Variants in PPP1R12A observed in about 807,000 individuals in gnomAD.
PPP1R12A encodes the protein myosin binding subunit.
In PPP1R12A, 19 loss-of-function variants were observed where a neutral mutation model predicts 139.6. That is an observed-to-expected ratio of 0.14 (90% CI 0.09 to 0.20). The LOEUF is 0.20. Among genes scored for constraint, PPP1R12A ranks in the 10% least tolerant of loss-of-function variants. The pLI, the probability that PPP1R12A is intolerant of heterozygous loss-of-function variation, is 1.00. For synonymous variants in PPP1R12A, 427 were observed against 420.6 expected, an observed-to-expected ratio of 1.02 and a Z score of -0.19; for missense variants, 925 against 1,211.5, an observed-to-expected ratio of 0.76 and a Z score of 3.51.
At chr12:79,786,287 A>G (rs1871120017) in intron 22 of PPP1R12A, 87 bp downstream of exon 22, 1 of 737,062 alleles carries the variant, frequency 1.4e-6, no homozygotes, top group Non-Finnish European at 2.2e-6. Flanking sequence ...TTCTATTTAG[A>G]GTATTAGAAA....
chr12:79,818,851 A>T (rs1303591981), intron 8 of PPP1R12A: 1 of 152,238 alleles, frequency 6.6e-6, no homozygotes, highest in Non-Finnish European at 1.5e-5. Flanking sequence ...TAGTTTCCCA[A>T]GGAAATAACC....
At chr12:79,884,067 G>T (rs1437833975) in intron 1 of PPP1R12A, among the ~76,000 whole-genome samples, 2 of 152,130 alleles carry the variant, frequency 1.3e-5, no homozygotes, top group Non-Finnish European at 2.9e-5. Flanking sequence ...AACAGGTCTG[G>T]TATATAAAGA....
At chr12:79,842,477 T>C (rs920146328) in intron 3 of PPP1R12A, among the ~76,000 whole-genome samples, 5 of 152,134 alleles carry the variant, frequency 3.3e-5, no homozygotes, top group Non-Finnish European at 5.9e-5. Flanking sequence ...CAATATTTCA[T>C]ACCATTCCTC....
At chr12:79,823,135 G>C (rs910462652) in intron 5 of PPP1R12A, among the ~76,000 whole-genome samples, 2 of 152,106 alleles carry the variant, frequency 1.3e-5, no homozygotes, top group African/African-American at 4.8e-5. Flanking sequence ...AAATTTCAAA[G>C]AGCTGCTGAC....
At chr12:79,855,419 G>C (rs752470442) in intron 2 of PPP1R12A, among the ~76,000 whole-genome samples, 1 of 152,124 alleles carries the variant, frequency 6.6e-6, no homozygotes, top group Non-Finnish European at 1.5e-5. Context: ...TTGTTACTGT[G>C]AATAGTGCTG....
chr12:79,842,807 G>A lies in PPP1R12A; in HGVS notation c.487+2495C>T, dbSNP rs116703883. ...CAGCCTGGAACACACGAGCTAAAGC[G>A]ATCCTCCCCCCTTAGCTGGGATTAC... is the stretch of plus-strand genomic sequence containing the variant. On this transcript the variant is annotated intron_variant, in intron 3 of 24. Coordinates refer to ENST00000450142, the MANE Select transcript of PPP1R12A (RefSeq NM_002480.3). Among the ~76,000 whole-genome samples the A allele has an allele frequency of 5.2e-3, 788 of 152,016 alleles. 4 individuals carry two copies. The highest frequency in any genetic ancestry group is 0.018 in the African/African-American group (745 of 41,486).
At chr12:79,797,042 TATACTA>T in intron 16 of PPP1R12A, 92 bp from the exon 17 acceptor site, 1 of 1,416,916 alleles carries the variant, frequency 7.1e-7, no homozygotes. Flanking sequence ...GAAAAAGTAG[TATACTA>T]ATCACGCCAA....
At chr12:79,926,598 AGT>A (rs1887859050) in intron 1 of PPP1R12A, among the ~76,000 whole-genome samples, 1 of 152,240 alleles carries the variant, frequency 6.6e-6, no homozygotes, top group African/African-American at 2.4e-5. Context: ...AAAGTTTGTC[AGT>A]GTGTTACACT....
chr12:79,784,249 C>A (rs77074458), intron 22 of PPP1R12A, among the ~76,000 whole-genome samples: 178 of 152,224 alleles, frequency 1.2e-3, no homozygotes, highest in African/African-American at 4.2e-3. Flanking sequence ...TAATGCTTAT[C>A]AGTTTTACTT....
intron 1 of PPP1R12A, among the ~76,000 whole-genome samples, chr12:79,904,264 G>A (rs896763585): frequency 3.0e-4 from 46 of 151,204 alleles, no homozygotes; most frequent in African/African-American, 1.0e-3. Flanking sequence ...CTGCTTGACC[G>A]GAATAAAATG....
At chr12:79,781,962 G>A (rs1442518139) in intron 22 of PPP1R12A, 100 bp from the exon 23 acceptor site, 16 of 588,452 alleles carry the variant, frequency 2.7e-5, no homozygotes, top group Non-Finnish European at 4.4e-5. Context: ...CAATATTCAA[G>A]TGGAGTAAAA....
chr12:79,815,155 GAGAAAA>G (rs943202969), intron 9 of PPP1R12A, among the ~76,000 whole-genome samples: 12 of 152,202 alleles, frequency 7.9e-5, no homozygotes, highest in African/African-American at 2.2e-4. Context: ...GGCTATATGT[GAGAAAA>G]AGAAAAAGAA....
chr12:79,918,449 T>C (rs1202567979), intron 1 of PPP1R12A, among the ~76,000 whole-genome samples: 6 of 152,158 alleles, frequency 3.9e-5, no homozygotes, highest in African/African-American at 1.4e-4. Context: ...CATTCTGCAA[T>C]ATCAATACTC....
At chr12:79,887,820 TTGC>T (rs1884244114) in intron 1 of PPP1R12A, among the ~76,000 whole-genome samples, 1 of 152,142 alleles carries the variant, frequency 6.6e-6, no homozygotes, top group South Asian at 2.1e-4. Context: ...ATTCTTGCTG[TTGC>T]AATGTCTAAT....
At position 79,798,593 on chromosome 12, in the gene PPP1R12A, G is replaced by A. The variant is rs1872733887; in HGVS notation, c.2001-9C>T. ...CAGGAGTGAGGTATGATCTACAGTA[G>A]TAAATTGAAAAATCGTTAGTTGTAA... On this transcript the variant is annotated splice_polypyrimidine_tract_variant and intron_variant, in intron 14 of 24. Coordinates refer to ENST00000450142, the MANE Select transcript of PPP1R12A (RefSeq NM_002480.3). The A allele has an allele frequency of 4.0e-6, 6 of 1,498,196 alleles. No individual in the cohort carries two copies. Among genetic ancestry groups the A allele is most frequent in the African/African-American group, 1.4e-5 (1 of 72,184 alleles). 92.8% of individuals were successfully genotyped at this position (1,498,196 alleles called of 1,614,324 possible). A position where few individuals can be genotyped will look rare whatever the true frequency, so the allele number is the denominator to read the frequency against.
At chr12:79,857,562 A>G (rs1237460057) in intron 2 of PPP1R12A, among the ~76,000 whole-genome samples, 4 of 152,096 alleles carry the variant, frequency 2.6e-5, no homozygotes, top group Admixed American at 1.3e-4. Context: ...CCTAGAACTT[A>G]AAGTATAATA....
In PPP1R12A at chr12:79,798,517, T is replaced by C; in HGVS notation, c.2068A>G (p.Arg690Gly). 6.4e-7 allele frequency: 1 copy of C among 1,562,780 alleles called. No homozygotes were observed. Among genetic ancestry groups the C allele is most frequent in the Non-Finnish European group, 8.7e-7 (1 of 1,149,196 alleles). Reference protein sequence around the residue: ...SQRKARSRQARQSRRSTQGVT... With the variant: ...SQRKARSRQAGQSRRSTQGVT... ...ACCTGTGTTGATCTTCTAGATTGTC[T>C]TGCTTGTCTAGATCTTGCTTTTCTT... The change falls in exon 15 of 25, where the codon AGA (arginine) becomes GGA (glycine). Residue 690 changes from arginine to glycine, a missense_variant. Arg to Gly is a moderately radical substitution (Grantham distance 125, BLOSUM62 -2). Around this residue, in one of 4 missense-constraint regions of PPP1R12A, gnomAD observed 8 missense variants for 32.0 expected, o/e 0.25. Coordinates refer to ENST00000450142, the MANE Select transcript of PPP1R12A (RefSeq NM_002480.3).
At chr12:79,871,111 G>A (rs1430454844) in intron 2 of PPP1R12A, among the ~76,000 whole-genome samples, 1 of 152,112 alleles carries the variant, frequency 6.6e-6, no homozygotes, top group East Asian at 1.9e-4. Flanking sequence ...GGGAAATTCA[G>A]AAGAAAAAAC....
rs200005046 is a variant in PPP1R12A, at chr12:79,778,308, CGG to C, written c.3006+240_3006+241del. 1,670 of 284,050 alleles carry C rather than the reference CGG, an allele frequency of 5.9e-3. 35 individuals carry two copies. Among genetic ancestry groups the C allele is most frequent in the African/African-American group, 0.034 (1,568 of 46,056 alleles). 17.6% of individuals were successfully genotyped at this position (284,050 alleles called of 1,614,324 possible). On this transcript the variant is annotated intron_variant, in intron 24 of 24. Transcript: ENST00000450142. Reference sequence around the variant, plus strand: ...ACACAAATTAATTATCAAAATAATTCGGGTTTTATTTTTTATTTTATTTTTGC... The same window carrying C: ...ACACAAATTAATTATCAAAATAATTCGTTTTATTTTTTATTTTATTTTTGC...
Sources: allele counts gnomAD v4.1 joint callset (sites outside exome capture counted in the v4.1 genomes callset), GRCh38; gene constraint gnomAD v4.1.1; regional missense constraint gnomAD v4.1.1; transcripts MANE v1.5; gene names NCBI Gene and HGNC (gene_info 2026-07-23, HGNC 2026-07-21).